The following STT3A variants were observed in gnomAD, a reference collection of about 807,000 sequenced individuals.
STT3A encodes STT3 oligosaccharyltransferase complex catalytic subunit A, also known as dolichyl-diphosphooligosaccharide--protein glycosyltransferase subunit STT3A.
STT3A carries 34 observed loss-of-function variants against 89.2 expected under a neutral mutation model. That is an observed-to-expected ratio of 0.38 (90% CI 0.29 to 0.51). The LOEUF (loss-of-function observed/expected upper bound fraction) is 0.51. STT3A is among the 20% of genes least tolerant of loss of function. The pLI is 0.89. For missense variants in STT3A, 555 were observed against 889.5 expected, an observed-to-expected ratio of 0.62 and a Z score of 4.78; for synonymous variants, 282 against 310.3, an observed-to-expected ratio of 0.91 and a Z score of 0.96.
In STT3A at chr11:125,613,298, C is replaced by G; in HGVS notation, c.1554+121C>G. The G allele has an allele frequency of 3.7e-6, 4 of 1,082,432 alleles. 1 individual carries two copies. The South Asian group carries it at 4.7e-5, about 13-fold the overall frequency. 67.1% of individuals were successfully genotyped at this position (1,082,432 alleles called of 1,614,324 possible). On this transcript the variant is annotated intron_variant, in intron 13 of 17. Transcript: ENST00000392708. This position sits in a 1 kb window ranked among gnomAD's most constrained non-coding sequence, Gnocchi z 4.2. ...GCTGGGTGAAACTGGAACTTTGCAACTCTAGTCTTGAATGAGCCTTAAAGG... is the reference window on the plus strand; with the variant it reads ...GCTGGGTGAAACTGGAACTTTGCAAGTCTAGTCTTGAATGAGCCTTAAAGG...
rs1940369609 is a variant in STT3A at position 125,622,249 on chromosome 11, A to G, written c.*1439A>G. 1 of 152,226 alleles carries G rather than the reference A, an allele frequency of 6.6e-6. No individual in the cohort carries two copies. 9.4% of individuals were successfully genotyped at this position (152,226 alleles called of 1,614,324 possible). A position where few individuals can be genotyped will look rare whatever the true frequency, so the allele number is the denominator to read the frequency against. ...GGGATATGCTGTTGTATATTTGTAT[A>G]GCCAGGGCACTTAGCCTTCCAAACC... is the stretch of plus-strand genomic sequence containing the variant. On this transcript the variant is annotated 3_prime_UTR_variant, in exon 18 of 18. Transcript: ENST00000392708.
Position 125,608,207 on chromosome 11 carries a change from A to G in STT3A, c.879A>G (p.Gln293=). The G allele has an allele frequency of 3.1e-6, 5 of 1,614,224 alleles. 1 individual carries two copies. The East Asian group carries it at 8.9e-5, about 29-fold the overall frequency. ...VDYLRSKLNP[Q]QFEVLFRSVI... is the part of the protein sequence containing the mutation. ...ACCTGCGCAGCAAGTTGAATCCACA[A>G]CAATTTGAAGTTCTTTTCCGGAGCG... Residue 293 remains glutamine, a synonymous_variant, in exon 9 of 18, where the codon CAA becomes CAG. Coordinates refer to ENST00000392708, the MANE Select transcript of STT3A (RefSeq NM_152713.5).
At chr11:125,594,308 G>A (rs749589837) in intron 1 of STT3A, among the ~76,000 whole-genome samples, 5 of 152,160 alleles carry the variant, frequency 3.3e-5, no homozygotes, top group Admixed American at 6.5e-5. Context: ...AGGTCTGGGC[G>A]TGGTAGCTCA....
rs1940309895 is a variant in STT3A at position 125,620,227 on chromosome 11, T to TGA, written c.2079+101_2079+102insGA. ...TATATTTCTCAAATAGGGAAATTTC[T>TGA]CATGACACCTGTGCTTGAAAAGTAG... On this transcript the variant is annotated intron_variant, in intron 17 of 17. Transcript: ENST00000392708. 10 of 882,160 alleles carry TGA rather than the reference T, an allele frequency of 1.1e-5. No homozygotes were observed. The South Asian group carries it at 1.7e-4, about 15-fold the overall frequency. 54.6% of individuals were successfully genotyped at this position (882,160 alleles called of 1,614,324 possible).
chr11:125,592,577 A>G (rs1939333753), upstream of STT3A: 1 of 440,368 alleles, frequency 2.3e-6, no homozygotes, highest in African/African-American at 2.0e-5. Flanking sequence ...CCGACACGTC[A>G]CTCCTCGGCC....
intron 11 of STT3A, among the ~76,000 whole-genome samples, chr11:125,611,722 A>T (rs1940022505): frequency 6.6e-6 from 1 of 152,058 alleles, no homozygotes. Flanking sequence ...ACTTTCTTGG[A>T]TTCGTAACTT....
chr11:125,610,561 A>T (rs1939974579), intron 10 of STT3A: 1 of 149,968 alleles, frequency 6.7e-6, no homozygotes, highest in Non-Finnish European at 1.5e-5. Flanking sequence ...CTTAAAAAAA[A>T]CAACAACAGG....
At chr11:125,617,008 G>C (rs938465641) in intron 15 of STT3A, among the ~76,000 whole-genome samples, 12 of 152,034 alleles carry the variant, frequency 7.9e-5, no homozygotes, top group African/African-American at 2.9e-4. Context: ...TCCATTCATA[G>C]AGCTTATGAG....
intron 1 of STT3A, among the ~76,000 whole-genome samples, chr11:125,594,621 T>C (rs1027608232): frequency 2.0e-5 from 3 of 151,384 alleles, no homozygotes; most frequent in Admixed American, 2.0e-4. Flanking sequence ...TACTGTCTTA[T>C]ACAAGAATAA....
intron 9 of STT3A, 51 bp downstream of exon 9, chr11:125,608,340 G>T: frequency 6.5e-7 from 1 of 1,531,226 alleles, no homozygotes; most frequent in Non-Finnish European, 8.7e-7. Context: ...TTAAGATGGA[G>T]TTTCGCTCTT....
intron 3 of STT3A, among the ~76,000 whole-genome samples, chr11:125,602,048 C>T (rs567038880): frequency 2.0e-5 from 3 of 152,250 alleles, no homozygotes; most frequent in African/African-American, 7.2e-5. Context: ...CCACCTGCCT[C>T]GGACTCCTAA....
In STT3A at chr11:125,618,354, T is replaced by C. The variant is rs1446950145; in HGVS notation, c.1775-19T>C. ...GCAACTTTTGTGATGCAGCAGTTCT[T>C]TTTTTTTTTTTCTCCTAGATATCAA... On this transcript the variant is annotated intron_variant, in intron 15 of 17. Coordinates refer to ENST00000392708, the MANE Select transcript of STT3A (RefSeq NM_152713.5). 1 of 1,297,714 alleles carries C rather than the reference T, an allele frequency of 7.7e-7. No individual in the cohort carries two copies. The highest frequency in any genetic ancestry group is 1.5e-5 in the African/African-American group (1 of 65,502). 80.4% of individuals were successfully genotyped at this position (1,297,714 alleles called of 1,614,324 possible).
chr11:125,611,562 T>A, intron 11 of STT3A, 43 bp downstream of exon 11: 1 of 1,561,002 alleles, frequency 6.4e-7, no homozygotes, highest in Non-Finnish European at 8.8e-7. Flanking sequence ...ACTCTAACTC[T>A]GAGGTGCTTT....
chr11:125,592,642 G>C, upstream of STT3A: 1 of 371,684 alleles, frequency 2.7e-6, no homozygotes, highest in South Asian at 2.0e-5. Context: ...CCTACGCGCC[G>C]GCCTATGACA....
chr11:125,594,452 C>T (rs1939422431), intron 1 of STT3A, among the ~76,000 whole-genome samples: 1 of 151,928 alleles, frequency 6.6e-6, no homozygotes, highest in South Asian at 2.1e-4. Context: ...TGGTGGCGCA[C>T]ACCTGTAGTC....
At chr11:125,612,931 CTG>C in intron 12 of STT3A, 56 bp from the exon 13 acceptor site, 1 of 1,588,280 alleles carries the variant, frequency 6.3e-7, no homozygotes, top group Non-Finnish European at 8.6e-7. Context: ...AGAAGTTGTC[CTG>C]TGTTGTGTGA....
At chr11:125,598,134 C>T (rs1309599399) in intron 3 of STT3A, among the ~76,000 whole-genome samples, 1 of 152,000 alleles carries the variant, frequency 6.6e-6, no homozygotes, top group African/African-American at 2.4e-5. Flanking sequence ...ATCGCTTGAA[C>T]GCAGGAGGTG....
intron 11 of STT3A, 134 bp downstream of exon 11, chr11:125,611,653 AGTT>A: frequency 1.3e-6 from 1 of 796,390 alleles, no homozygotes; most frequent in South Asian, 1.9e-5. Context: ...ATGAGTTGTA[AGTT>A]GTTGATCCTT....
Position 125,614,560 on chromosome 11 carries a change from C to A in STT3A, c.1774+134C>A. On this transcript the variant is annotated intron_variant, in intron 15 of 17. Coordinates refer to ENST00000392708, the MANE Select transcript of STT3A (RefSeq NM_152713.5). The surrounding 1 kb of genome is among the most constrained non-coding windows in gnomAD (Gnocchi z 4.9). ...TTCATGGGAAGTTCCTAAGTATTTG[C>A]AACTTGAGGTTTGGGTATTTTGATT... is the stretch of plus-strand genomic sequence containing the variant. 1 of 857,772 alleles carries A rather than the reference C, an allele frequency of 1.2e-6. No homozygotes were observed. The highest frequency in any genetic ancestry group is 1.8e-6 in the Non-Finnish European group (1 of 566,854). 53.1% of individuals were successfully genotyped at this position (857,772 alleles called of 1,614,324 possible). A position where few individuals can be genotyped will look rare whatever the true frequency, so the allele number is the denominator to read the frequency against.
Sources: allele counts gnomAD v4.1 joint callset (sites outside exome capture counted in the v4.1 genomes callset), GRCh38; gene constraint gnomAD v4.1.1; non-coding constraint Gnocchi (gnomAD v3.1); transcripts MANE v1.5; gene names NCBI Gene and HGNC (gene_info 2026-07-23, HGNC 2026-07-21).